VDAC1: variants seen among roughly 807,000 people sequenced by gnomAD.
VDAC1 encodes the protein non-selective voltage-gated ion channel VDAC1.
Under a neutral mutation model 34.7 loss-of-function variants are expected in VDAC1, and 10 were observed. That is an observed-to-expected ratio of 0.29 (90% CI 0.18 to 0.49). The LOEUF is 0.49. Ranked by LOEUF, VDAC1 falls within the 20% of genes least tolerant of loss-of-function variation. The probability of loss-of-function intolerance (pLI) is 0.99; values close to 1 mark genes in which losing one functional copy is unlikely to be tolerated. For missense variants in VDAC1, 230 were observed against 347.9 expected (o/e 0.66, Z 2.69); for synonymous variants, 130 against 136.0 (o/e 0.96, Z 0.30).
At chr5:134,086,120 C>T in the VDAC1 span, among the ~76,000 whole-genome samples, 6 of 152,220 alleles carry the variant, frequency 3.9e-5, no homozygotes, top group East Asian at 7.7e-4. Flanking sequence ...CACTTGAACC[C>T]GGGAGGCAGA....
At chr5:134,085,737 AAAAAAAAAAAAAAAAAT>A in the VDAC1 span, among the ~76,000 whole-genome samples, 2 of 148,646 alleles carry the variant, frequency 1.3e-5, no homozygotes, top group African/African-American at 4.9e-5. Flanking sequence ...AAAAAAAAAA[AAAAAAAAAAAAAAAAAT>A]TTCATTAGCT....
intron 2 of VDAC1, among the ~76,000 whole-genome samples, chr5:133,992,708 C>A (rs1432714737): frequency 6.6e-6 from 1 of 152,260 alleles, no homozygotes; most frequent in African/African-American, 2.4e-5. Flanking sequence ...CAGGGCTGCT[C>A]CACACTTGGA....
At chr5:134,068,692 G>A in the VDAC1 span, among the ~76,000 whole-genome samples, 2 of 151,866 alleles carry the variant, frequency 1.3e-5, no homozygotes, top group African/African-American at 2.4e-5. Flanking sequence ...TTCTCTGTTC[G>A]GAAACCACTG....
the VDAC1 span, among the ~76,000 whole-genome samples, chr5:134,042,133 C>T: frequency 4.6e-5 from 7 of 152,172 alleles, no homozygotes; most frequent in South Asian, 2.1e-4. Flanking sequence ...CAAGGGGCAG[C>T]GTGGGAAGGT....
intron 1 of VDAC1, among the ~76,000 whole-genome samples, chr5:134,003,289 G>C (rs1174729055): frequency 1.3e-5 from 2 of 152,140 alleles, no homozygotes; most frequent in African/African-American, 2.4e-5. Context: ...GCTGGCCCTC[G>C]GTAGTCTGCT....
the VDAC1 span, among the ~76,000 whole-genome samples, chr5:134,069,622 A>AG: frequency 3.3e-5 from 5 of 152,174 alleles, no homozygotes; most frequent in East Asian, 7.7e-4. Context: ...TTGGGGAGTG[A>AG]GGGGGTCTCA....
At chr5:134,003,339 G>A (rs771792545) in intron 1 of VDAC1, among the ~76,000 whole-genome samples, 4 of 152,178 alleles carry the variant, frequency 2.6e-5, no homozygotes, top group Admixed American at 6.5e-5. Context: ...TTAGGCAACA[G>A]AGGAGCCCTT....
the VDAC1 span, among the ~76,000 whole-genome samples, chr5:134,053,154 C>CA: frequency 2.8e-4 from 43 of 151,998 alleles, no homozygotes; most frequent in Non-Finnish European, 5.4e-4. Context: ...ACAGAAGCCC[C>CA]AAATACCACA....
At chr5:134,020,539 G>A in the VDAC1 span, among the ~76,000 whole-genome samples, 4 of 152,064 alleles carry the variant, frequency 2.6e-5, no homozygotes, top group East Asian at 7.7e-4. Context: ...ACTTGGTGTG[G>A]CTTCAGTGTC....
At chr5:134,013,968 G>C in the VDAC1 span, among the ~76,000 whole-genome samples, 1 of 147,682 alleles carries the variant, frequency 6.8e-6, no homozygotes, top group Admixed American at 6.8e-5. Flanking sequence ...AAAAAAGTGG[G>C]CAGAGGACAT....
chr5:134,100,234 C>G, the VDAC1 span, among the ~76,000 whole-genome samples: 3 of 152,212 alleles, frequency 2.0e-5, no homozygotes, highest in African/African-American at 7.2e-5. Flanking sequence ...GCAGTCAGGG[C>G]TCTCCCTGAA....
chr5:133,977,471 C>T (rs1029728283), intron 6 of VDAC1, among the ~76,000 whole-genome samples: 3 of 152,226 alleles, frequency 2.0e-5, no homozygotes, highest in African/African-American at 7.2e-5. Flanking sequence ...TTCAGTCATT[C>T]AAATTCTCCT....
rs142178452 is a variant in VDAC1 at position 134,002,526 on chromosome 5, G to A, written c.-7+2369C>T. Among the ~76,000 whole-genome samples the A allele has an allele frequency of 9.6e-4, 146 of 152,190 alleles. No homozygotes were observed. In the Middle Eastern group the frequency reaches 0.017, roughly 18 times the overall value. On this transcript the variant is annotated intron_variant, in intron 1 of 8. Coordinates refer to ENST00000265333, the MANE Select transcript of VDAC1 (RefSeq NM_003374.3). ...AACACCAGTTCAACAAGTTTCCCTC[G>A]GGACTTGGAAAACCAGAGAATGAAG...
upstream of VDAC1, among the ~76,000 whole-genome samples, chr5:134,007,684 G>A (rs1426680021): frequency 3.3e-5 from 5 of 152,166 alleles, no homozygotes; most frequent in African/African-American, 9.7e-5. Flanking sequence ...GGGAAAATGC[G>A]GGAGCTTTCA....
the VDAC1 span, among the ~76,000 whole-genome samples, chr5:134,092,463 C>T: frequency 5.9e-5 from 9 of 152,214 alleles, no homozygotes; most frequent in Middle Eastern, 3.4e-3. Context: ...GTGGGGTCCT[C>T]GCTTTGTCCC....
At chr5:134,036,983 CA>C in the VDAC1 span, among the ~76,000 whole-genome samples, 1 of 151,264 alleles carries the variant, frequency 6.6e-6, no homozygotes, top group Non-Finnish European at 1.5e-5. Context: ...AACAAACAAA[CA>C]AAAAAACTGA....
At chr5:134,063,125 T>C in the VDAC1 span, among the ~76,000 whole-genome samples, 2 of 152,354 alleles carry the variant, frequency 1.3e-5, no homozygotes, top group South Asian at 4.1e-4. Context: ...AGTTTCCCTA[T>C]ATCTGTCATC....
At chr5:133,993,534 TGCCAGGATGG>T (rs1753183612) in intron 1 of VDAC1, among the ~76,000 whole-genome samples, 2 of 152,264 alleles carry the variant, frequency 1.3e-5, no homozygotes, top group African/African-American at 4.8e-5. Context: ...ACCTACTATA[TGCCAGGATGG>T]GCCCAACTTT....
intron 6 of VDAC1, among the ~76,000 whole-genome samples, chr5:133,978,335 C>G (rs1752559535): frequency 6.6e-6 from 1 of 152,048 alleles, no homozygotes; most frequent in South Asian, 2.1e-4. Flanking sequence ...CAGAGTATTT[C>G]TATGTTCCCC....
Sources: allele counts gnomAD v4.1 joint callset (sites outside exome capture counted in the v4.1 genomes callset), GRCh38; gene constraint gnomAD v4.1.1; transcripts MANE v1.5; gene names NCBI Gene and HGNC (gene_info 2026-07-23, HGNC 2026-07-21).